RYR3: variants seen among roughly 807,000 people sequenced by gnomAD.
RYR3 encodes the protein ryanodine receptor 3.
RYR3 carries 207 observed loss-of-function variants against 584.3 expected under a neutral mutation model. The ratio of observed to expected loss-of-function variants is 0.35; its 90% CI spans 0.32 to 0.40. The LOEUF (loss-of-function observed/expected upper bound fraction) is 0.40. Among genes scored for constraint, RYR3 ranks in the 10% least tolerant of loss-of-function variants. The probability of loss-of-function intolerance (pLI) is 1.00; values close to 1 mark genes in which losing one functional copy is unlikely to be tolerated. For synonymous variants in RYR3, 2,416 were observed against 2,248.5 expected (o/e 1.07, Z -2.11); for missense variants, 5,616 against 6,089.2 (o/e 0.92, Z 2.59).
chr15:33,437,114 T>G (rs974277409), intron 1 of RYR3, among the ~76,000 whole-genome samples: 5 of 117,974 alleles, frequency 4.2e-5, no homozygotes, highest in South Asian at 2.8e-4. Flanking sequence ...GAGAGAGAGA[T>G]AGAGTGTGTG....
At chr15:33,427,006 C>G (rs900314491) in intron 1 of RYR3, among the ~76,000 whole-genome samples, 4 of 152,208 alleles carry the variant, frequency 2.6e-5, no homozygotes, top group African/African-American at 9.7e-5. Context: ...AAAGCCCCTC[C>G]TCCAAATGCC....
intron 15 of RYR3, 41 bp downstream of exon 15, chr15:33,584,531 G>C: frequency 3.8e-6 from 3 of 782,870 alleles, no homozygotes; most frequent in Non-Finnish European, 6.0e-6. Flanking sequence ...AAGATGAAGG[G>C]TTTTTTTTTT....
chr15:33,338,969 C>T (rs1398447918), intron 1 of RYR3, among the ~76,000 whole-genome samples: 1 of 152,158 alleles, frequency 6.6e-6, no homozygotes, highest in Non-Finnish European at 1.5e-5. Context: ...CAAAACTGCA[C>T]ATTAAGGATA....
In RYR3 at chr15:33,602,606, G is replaced by T. The variant is rs186662741; in HGVS notation, c.1923-517G>T. On this transcript the variant is annotated intron_variant, in intron 17 of 103. Coordinates refer to ENST00000634891, the MANE Select transcript of RYR3 (RefSeq NM_001036.6). ...CATCGTTGCCCATGGTTGGCACTCA[G>T]TAAACGTTGGTTGCCTTGAATGGAA... Among the ~76,000 whole-genome samples the T allele has an allele frequency of 4.8e-3, 736 of 152,214 alleles. 3 individuals carry two copies. The highest frequency in any genetic ancestry group is 0.01 in the Middle Eastern group (3 of 294).
chr15:33,813,433 C>T lies in RYR3; in HGVS notation c.10390-34C>T, dbSNP rs763564958. 5.8e-6 allele frequency: 9 copies of T among 1,563,476 alleles called. No homozygotes were observed. In the African/African-American group the frequency reaches 6.8e-5, roughly 12 times the overall value. On this transcript the variant is annotated intron_variant, in intron 73 of 103. Transcript: ENST00000634891. ...TAGCTTCTGCCACCAGAAGATCAGC[C>T]TAATGTGCACCAACCGATGTGATCT...
intron 11 of RYR3, among the ~76,000 whole-genome samples, chr15:33,563,995 C>T (rs1329638084): frequency 6.6e-6 from 1 of 152,168 alleles, no homozygotes; most frequent in African/African-American, 2.4e-5. Flanking sequence ...TGGAAGGTTT[C>T]AACAACCAAG....
intron 64 of RYR3, among the ~76,000 whole-genome samples, chr15:33,776,008 T>C (rs2073971787): frequency 6.6e-6 from 1 of 152,240 alleles, no homozygotes. Context: ...TAGATCAAGA[T>C]GTCTTCCCAG....
At chr15:33,420,231 G>T (rs570868915) in intron 1 of RYR3, among the ~76,000 whole-genome samples, 29 of 152,224 alleles carry the variant, frequency 1.9e-4, no homozygotes, top group African/African-American at 6.7e-4. Context: ...GATGTGTTGG[G>T]CATCCAGCAA....
intron 70 of RYR3, 121 bp downstream of exon 70, chr15:33,807,690 C>T: frequency 1.0e-6 from 1 of 957,534 alleles, no homozygotes; most frequent in East Asian, 2.6e-5. Flanking sequence ...GCCTGGAGGT[C>T]CCCCAGGCCT....
intron 52 of RYR3, among the ~76,000 whole-genome samples, chr15:33,745,824 T>C (rs940166164): frequency 6.6e-6 from 1 of 152,174 alleles, no homozygotes; most frequent in African/African-American, 2.4e-5. Flanking sequence ...GGGCCTGAAA[T>C]ACAAGTGAGA....
intron 32 of RYR3, among the ~76,000 whole-genome samples, chr15:33,657,221 A>G (rs2062867721): frequency 6.6e-6 from 1 of 152,174 alleles, no homozygotes; most frequent in South Asian, 2.1e-4. Context: ...CTCTCAAAGC[A>G]CTTACTTTCT....
At chr15:33,360,278 C>A (rs1287893441) in intron 1 of RYR3, among the ~76,000 whole-genome samples, 1 of 145,712 alleles carries the variant, frequency 6.9e-6, no homozygotes, top group Non-Finnish European at 1.5e-5. Context: ...CCCTGCCCAT[C>A]TCCCACTCCC....
chr15:33,823,429 T>G (rs2077211715), intron 81 of RYR3, among the ~76,000 whole-genome samples: 1 of 152,208 alleles, frequency 6.6e-6, no homozygotes, highest in Non-Finnish European at 1.5e-5. Context: ...CAGGAAAGAA[T>G]GGAAAAGGGG....
chr15:33,401,595 G>A (rs953042603), intron 1 of RYR3, among the ~76,000 whole-genome samples: 2 of 152,138 alleles, frequency 1.3e-5, no homozygotes, highest in Non-Finnish European at 2.9e-5. Flanking sequence ...TTTGCTTGAG[G>A]AAACAGATTA....
intron 1 of RYR3, among the ~76,000 whole-genome samples, chr15:33,462,487 T>C (rs2048122167): frequency 6.6e-6 from 1 of 152,174 alleles, no homozygotes; most frequent in Non-Finnish European, 1.5e-5. Flanking sequence ...CCTTTTCCCC[T>C]CAGGATAAGT....
rs1457739145 is a variant in RYR3 at position 33,838,363 on chromosome 15, G to T, written c.12383G>T (p.Gly4128Val). The change falls in exon 89 of 104, where the codon GGT becomes GTT. Residue 4128 changes from glycine (G) to valine (V), a missense_variant. Gly to Val is a moderately radical substitution (Grantham distance 109). Around this residue, in one of 9 missense-constraint regions of RYR3, gnomAD observed 258 missense variants for 297.3 expected, o/e 0.87. Coordinates refer to ENST00000634891, the MANE Select transcript of RYR3 (RefSeq NM_001036.6). ...TCTTCTTACGTGTTAGAAATTGCGGGTGAAGAGGAAGAAGACGGGTCTCTT... is the reference window on the plus strand; with the variant it reads ...TCTTCTTACGTGTTAGAAATTGCGGTTGAAGAGGAAGAAGACGGGTCTCTT... ...EDSSYVLEIA[G>V]EEEEDGSLEP... is the part of the protein sequence containing the mutation. The T allele has an allele frequency of 6.2e-7, 1 of 1,613,884 alleles. No individual in the cohort carries two copies. Among genetic ancestry groups the T allele is most frequent in the East Asian group, 2.2e-5 (1 of 44,890 alleles).
chr15:33,764,663 G>GT (rs562401490), intron 60 of RYR3, among the ~76,000 whole-genome samples: 11 of 151,796 alleles, frequency 7.2e-5, no homozygotes, highest in African/African-American at 2.4e-4. Flanking sequence ...AAGTGAACAC[G>GT]TAACACTGTG....
intron 98 of RYR3, among the ~76,000 whole-genome samples, chr15:33,855,419 G>C (rs1259877335): frequency 6.6e-6 from 1 of 152,216 alleles, no homozygotes; most frequent in East Asian, 1.9e-4. Flanking sequence ...GGCCAGGCTG[G>C]TCTCAAACGC....
chr15:33,584,438 C>A lies in RYR3; in HGVS notation c.1617C>A (p.Ser539=). The change falls in exon 15 of 104, where the codon TCC becomes TCA. Residue 539 remains serine, a synonymous_variant. Coordinates refer to ENST00000634891, the MANE Select transcript of RYR3 (RefSeq NM_001036.6). ...ACAGAAACAATTGCGCTCAATTCTC[C>A]AATAACCTTGATTGGCTCATCAGTA... is the stretch of plus-strand genomic sequence containing the variant. ...RGNRNNCAQF[S]NNLDWLISKL... 1.2e-6 allele frequency: 2 copies of A among 1,608,650 alleles called. No individual in the cohort carries two copies. The highest frequency in any genetic ancestry group is 1.7e-6 in the Non-Finnish European group (2 of 1,176,056).
Sources: allele counts gnomAD v4.1 joint callset (sites outside exome capture counted in the v4.1 genomes callset), GRCh38; gene constraint gnomAD v4.1.1; regional missense constraint gnomAD v4.1.1; transcripts MANE v1.5; gene names NCBI Gene and HGNC (gene_info 2026-07-23, HGNC 2026-07-21).